SLC2A9: variants seen among roughly 807,000 people sequenced by gnomAD.
SLC2A9 encodes the protein solute carrier family 2, facilitated glucose transporter member 9.
SLC2A9 carries 39 observed loss-of-function variants against 50.6 expected under a neutral mutation model. The ratio of observed to expected loss-of-function variants is 0.77; its 90% CI spans 0.60 to 1.01. The LOEUF (loss-of-function observed/expected upper bound fraction) is 1.01, where lower values mean the gene tolerates loss of function less well. SLC2A9 is among the 50% of genes least tolerant of loss of function. The pLI is 0.00. For synonymous variants in SLC2A9, 324 were observed against 276.9 expected, an observed-to-expected ratio of 1.17 and a Z score of -1.69; for missense variants, 686 against 677.6, an observed-to-expected ratio of 1.01 and a Z score of -0.14.
intron 1 of SLC2A9, among the ~76,000 whole-genome samples, chr4:10,037,741 G>A (rs934703845): frequency 6.6e-6 from 1 of 152,156 alleles, no homozygotes; most frequent in African/African-American, 2.4e-5. Context: ...TTGAGGTCAG[G>A]AGTTCAAGAC....
intron 10 of SLC2A9, among the ~76,000 whole-genome samples, chr4:9,876,074 G>A (rs1457272394): frequency 6.6e-6 from 1 of 152,184 alleles, no homozygotes; most frequent in Admixed American, 6.5e-5. Context: ...CTTGGGAGGT[G>A]GCAAGAAGTC....
At chr4:9,782,121 CG>C (rs2108849817) in intron 3 of SLC2A9, 2 of 1,545,932 alleles carry the variant, frequency 1.3e-6, no homozygotes, top group Non-Finnish European at 1.7e-6. Flanking sequence ...GGGGGCTCGG[CG>C]GGGGCACCGC....
At chr4:9,895,431 C>T (rs566946114) in intron 8 of SLC2A9, among the ~76,000 whole-genome samples, 1 of 152,344 alleles carries the variant, frequency 6.6e-6, no homozygotes, top group East Asian at 1.9e-4. Flanking sequence ...CGTGGTATTT[C>T]CACTTGACAT....
intron 10 of SLC2A9, among the ~76,000 whole-genome samples, chr4:9,842,644 T>C (rs948832091): frequency 6.6e-6 from 1 of 152,150 alleles, no homozygotes; most frequent in Non-Finnish European, 1.5e-5. Flanking sequence ...AACAGAAAGA[T>C]GGGGAAGGTG....
chr4:10,014,662 C>T (rs1350602452), intron 2 of SLC2A9, among the ~76,000 whole-genome samples: 2 of 152,214 alleles, frequency 1.3e-5, no homozygotes, highest in African/African-American at 2.4e-5. Context: ...AGGTAGAATA[C>T]AGTCCTTCAG....
chr4:9,970,797 G>A (rs933401724), intron 5 of SLC2A9, among the ~76,000 whole-genome samples: 6 of 152,146 alleles, frequency 3.9e-5, no homozygotes, highest in South Asian at 4.1e-4. Flanking sequence ...GCAGCCCAGC[G>A]CCAGGCGCCA....
chr4:9,906,182 A>T (rs1740628312), intron 8 of SLC2A9, among the ~76,000 whole-genome samples: 1 of 152,174 alleles, frequency 6.6e-6, no homozygotes, highest in Admixed American at 6.5e-5. Context: ...AGAAGTGGGG[A>T]AACTGAGTCA....
At chr4:9,962,256 A>T (rs1752378214) in intron 5 of SLC2A9, among the ~76,000 whole-genome samples, 1 of 152,224 alleles carries the variant, frequency 6.6e-6, no homozygotes, top group Non-Finnish European at 1.5e-5. Flanking sequence ...TATTATAAAG[A>T]TGCATGCATG....
chr4:9,788,379 C>G (rs1277627553), intron 3 of SLC2A9, among the ~76,000 whole-genome samples: 1 of 117,114 alleles, frequency 8.5e-6, no homozygotes, highest in Non-Finnish European at 1.8e-5. Context: ...TTTGTAGAGA[C>G]GGGGACTCCC....
At chr4:9,924,950 TC>T (rs1744626893) in intron 6 of SLC2A9, among the ~76,000 whole-genome samples, 1 of 152,154 alleles carries the variant, frequency 6.6e-6, no homozygotes, top group Non-Finnish European at 1.5e-5. Context: ...CCCAGGCTAA[TC>T]CCCAGGAAGA....
intron 2 of SLC2A9, among the ~76,000 whole-genome samples, chr4:10,004,432 T>G (rs1166196204): frequency 6.6e-6 from 1 of 152,188 alleles, no homozygotes; most frequent in Non-Finnish European, 1.5e-5. Flanking sequence ...GGGACATGTG[T>G]GACCTCCACC....
At chr4:9,890,734 G>C in intron 8 of SLC2A9, 23 bp from the exon 9 acceptor site, 3 of 1,590,922 alleles carry the variant, frequency 1.9e-6, no homozygotes, top group Non-Finnish European at 2.6e-6. Flanking sequence ...AAAAGAGAGA[G>C]AGAGAGCTAT....
chr4:9,875,500 T>C (rs925558695), intron 10 of SLC2A9, among the ~76,000 whole-genome samples: 1 of 152,222 alleles, frequency 6.6e-6, no homozygotes, highest in Admixed American at 6.5e-5. Context: ...TCAGTCTAAG[T>C]TGTACCTCCT....
At chr4:9,828,024 A>G (rs1480308115) in intron 11 of SLC2A9, among the ~76,000 whole-genome samples, 5 of 152,238 alleles carry the variant, frequency 3.3e-5, no homozygotes, top group African/African-American at 9.6e-5. Context: ...CCACACCCCC[A>G]TCTGCAGGCG....
chr4:9,891,194 A>T (rs1159136718), intron 8 of SLC2A9, among the ~76,000 whole-genome samples: 1 of 152,116 alleles, frequency 6.6e-6, no homozygotes, highest in African/African-American at 2.4e-5. Context: ...AGTCAATTTC[A>T]TTGTGGGATG....
At chr4:10,039,377 G>T (rs200677384) in intron 1 of SLC2A9, among the ~76,000 whole-genome samples, 1 of 152,296 alleles carries the variant, frequency 6.6e-6, no homozygotes, top group East Asian at 1.9e-4. Flanking sequence ...AAGATGGGAC[G>T]TGAAGGGCCA....
intron 11 of SLC2A9, among the ~76,000 whole-genome samples, chr4:9,830,567 C>T (rs1313553082): frequency 6.6e-6 from 1 of 152,186 alleles, no homozygotes; most frequent in Non-Finnish European, 1.5e-5. Flanking sequence ...TTGACTAGTC[C>T]TGCCCGTCTC....
At chr4:9,890,823 C>G in intron 8 of SLC2A9, 112 bp from the exon 9 acceptor site, 1 of 934,300 alleles carries the variant, frequency 1.1e-6, no homozygotes, top group South Asian at 1.4e-5. Context: ...CGGCTTTGAC[C>G]CTGAGACAGT....
chr4:9,885,893 T>C (rs932282220), intron 10 of SLC2A9, among the ~76,000 whole-genome samples: 5 of 152,238 alleles, frequency 3.3e-5, no homozygotes. Context: ...TGATAGAGAA[T>C]GCATGGTCTG....
Sources: gnomAD v4.1 joint callset for allele counts (sites outside exome capture counted in the v4.1 genomes callset) on GRCh38, gnomAD v4.1.1 for gene constraint, MANE v1.5 for transcripts, NCBI Gene and HGNC (gene_info 2026-07-23, HGNC 2026-07-21) for gene names.